RANBP2: variants seen among roughly 807,000 people sequenced by gnomAD.
RANBP2 encodes the protein RAN binding protein 2.
Under a neutral mutation model 303.6 loss-of-function variants are expected in RANBP2, and 57 were observed. The ratio of observed to expected loss-of-function variants is 0.19; its 90% CI spans 0.15 to 0.23. The LOEUF is 0.23. Ranked by LOEUF, RANBP2 falls within the 10% of genes least tolerant of loss-of-function variation. The pLI is 1.00. For synonymous variants in RANBP2, 1,167 were observed against 1,301.5 expected (o/e 0.90, Z 2.23); for missense variants, 3,138 against 3,780.8 (o/e 0.83, Z 4.46).
At chr2:109,227,533 T>C in the RANBP2 span, among the ~76,000 whole-genome samples, 1 of 152,236 alleles carries the variant, frequency 6.6e-6, no homozygotes, top group Non-Finnish European at 1.5e-5. Context: ...CTCCCGGGTC[T>C]GCCTGGGCCC....
chr2:109,191,487 T>A, the RANBP2 span, among the ~76,000 whole-genome samples: 1 of 152,230 alleles, frequency 6.6e-6, no homozygotes, highest in Non-Finnish European at 1.5e-5. Flanking sequence ...GTGATTCATC[T>A]TCCATCCTCA....
rs1695400531 is a variant in RANBP2 at position 108,734,345 on chromosome 2, C to CA, written c.406-1186dup. On this transcript the variant is annotated intron_variant, in intron 4 of 28. Transcript: ENST00000283195. ...TGAGGAAATAGGAGGTGTGAAGTGT[C>CA]AGAGTGGAGAAAGTGAGTATTAGTA... Among the ~76,000 whole-genome samples, 5 of 152,106 alleles carry CA rather than the reference C, an allele frequency of 3.3e-5. No homozygotes were observed. The South Asian group carries it at 8.3e-4, about 25-fold the overall frequency.
chr2:109,404,276 G>T, the RANBP2 span, among the ~76,000 whole-genome samples: 1 of 152,222 alleles, frequency 6.6e-6, no homozygotes, highest in African/African-American at 2.4e-5. Flanking sequence ...CTGAGGCTTT[G>T]TTGATGAGAA....
chr2:108,819,115 T>G, the RANBP2 span, among the ~76,000 whole-genome samples: 5 of 152,148 alleles, frequency 3.3e-5, no homozygotes, highest in Admixed American at 6.5e-5. Context: ...AGGCCCTTAT[T>G]CCTCCATGGA....
the RANBP2 span, among the ~76,000 whole-genome samples, chr2:109,517,939 G>A: frequency 2.6e-5 from 4 of 152,326 alleles, no homozygotes; most frequent in East Asian, 1.9e-4. Context: ...GTATGCCCCC[G>A]ATGGGAGCTC....
At chr2:108,885,135 T>C in the RANBP2 span, 1 of 152,350 alleles carries the variant, frequency 6.6e-6, no homozygotes, top group African/African-American at 2.4e-5. Context: ...TTCCAGCCTT[T>C]CTTCCTATTC....
At chr2:109,544,992 C>A in the RANBP2 span, 1 of 985,226 alleles carries the variant, frequency 1.0e-6, no homozygotes, top group Non-Finnish European at 1.2e-6. Context: ...TGCCAAAGTC[C>A]TGTGGTTTAC....
the RANBP2 span, among the ~76,000 whole-genome samples, chr2:109,532,403 C>T: frequency 6.6e-6 from 1 of 152,000 alleles, no homozygotes; most frequent in South Asian, 2.1e-4. Flanking sequence ...TATCTAGAAG[C>T]CGGCTAAGGT....
chr2:108,732,093 A>G (rs146576496), intron 4 of RANBP2, among the ~76,000 whole-genome samples: 151 of 152,330 alleles, frequency 9.9e-4, no homozygotes, highest in African/African-American at 3.4e-3. Context: ...AATGTTTTAT[A>G]TATTAATGTA....
the RANBP2 span, among the ~76,000 whole-genome samples, chr2:109,260,044 A>G: frequency 6.6e-6 from 1 of 151,990 alleles, no homozygotes; most frequent in Non-Finnish European, 1.5e-5. Flanking sequence ...TTTTTGGTGG[A>G]GGGTTATTTG....
At chr2:109,310,829 C>T in the RANBP2 span, among the ~76,000 whole-genome samples, 3 of 92,504 alleles carry the variant, frequency 3.2e-5, no homozygotes, top group Admixed American at 2.3e-4. Flanking sequence ...ATAACAGGAG[C>T]TGAAATTGTG....
the RANBP2 span, among the ~76,000 whole-genome samples, chr2:108,850,893 G>A: frequency 4.7e-4 from 72 of 152,196 alleles, 2 homozygotes; most frequent in South Asian, 7.5e-3. Context: ...CACATACCAA[G>A]CAGCAGACAC....
At chr2:108,984,796 C>T in the RANBP2 span, among the ~76,000 whole-genome samples, 2 of 152,280 alleles carry the variant, frequency 1.3e-5, no homozygotes, top group East Asian at 1.9e-4. Context: ...CATGGGACCA[C>T]TGTGTTACTC....
chr2:109,529,727 C>T, the RANBP2 span, among the ~76,000 whole-genome samples: 3 of 152,182 alleles, frequency 2.0e-5, no homozygotes, highest in African/African-American at 4.8e-5. Context: ...AGGACAGACC[C>T]TGAAGGTCAT....
At chr2:109,146,094 C>T in the RANBP2 span, among the ~76,000 whole-genome samples, 1 of 152,008 alleles carries the variant, frequency 6.6e-6, no homozygotes, top group African/African-American at 2.4e-5. Context: ...ACCAGCTGAA[C>T]AGTTAGATTT....
the RANBP2 span, among the ~76,000 whole-genome samples, chr2:109,577,680 A>G: frequency 6.6e-6 from 1 of 152,080 alleles, no homozygotes; most frequent in Non-Finnish European, 1.5e-5. Flanking sequence ...TGGGAGGCCA[A>G]GGTGAGAAGA....
the RANBP2 span, among the ~76,000 whole-genome samples, chr2:109,249,599 TTTTC>T: frequency 2.4e-4 from 35 of 144,480 alleles, 1 homozygote; most frequent in East Asian, 2.2e-3. Flanking sequence ...CTTTCTTTCT[TTTTC>T]TTTCTTTCTT....
At chr2:109,533,436 T>G in the RANBP2 span, among the ~76,000 whole-genome samples, 1 of 152,180 alleles carries the variant, frequency 6.6e-6, no homozygotes, top group Non-Finnish European at 1.5e-5. Flanking sequence ...TCTCTGCTAG[T>G]CAAGAACACA....
chr2:109,286,669 CT>C, the RANBP2 span, among the ~76,000 whole-genome samples: 1 of 152,286 alleles, frequency 6.6e-6, no homozygotes, highest in African/African-American at 2.4e-5. Context: ...TCTTTTCCCC[CT>C]GTTTGGCATA....
Sources: allele counts gnomAD v4.1 joint callset (sites outside exome capture counted in the v4.1 genomes callset), GRCh38; gene constraint gnomAD v4.1.1; transcripts MANE v1.5; gene names NCBI Gene and HGNC (gene_info 2026-07-23, HGNC 2026-07-21).